DSCAML1: variants seen among roughly 807,000 people sequenced by gnomAD.
DSCAML1 encodes DS cell adhesion molecule like 1.
In DSCAML1, 38 loss-of-function variants were observed where a neutral mutation model predicts 200.5. That is an observed-to-expected ratio of 0.19 (90% CI 0.15 to 0.25). The LOEUF is 0.25. Among genes scored for constraint, DSCAML1 ranks in the 10% least tolerant of loss-of-function variants. The probability of loss-of-function intolerance (pLI) is 1.00; values close to 1 mark genes in which losing one functional copy is unlikely to be tolerated. For synonymous variants in DSCAML1, 1,215 were observed against 1,165.0 expected, an observed-to-expected ratio of 1.04 and a Z score of -0.87; for missense variants, 2,223 against 2,858.8, an observed-to-expected ratio of 0.78 and a Z score of 5.07.
chr11:117,724,289 T>G (rs1202131267), intron 3 of DSCAML1, among the ~76,000 whole-genome samples: 1 of 152,136 alleles, frequency 6.6e-6, no homozygotes, highest in African/African-American at 2.4e-5. Flanking sequence ...CTGGTCTGAT[T>G]GGGTCCTCGT....
intron 3 of DSCAML1, among the ~76,000 whole-genome samples, chr11:117,727,639 A>G (rs2054154978): frequency 6.7e-6 from 1 of 148,908 alleles, no homozygotes; most frequent in Non-Finnish European, 1.5e-5. Context: ...GAGTCCCCAC[A>G]TGAATGTCTT....
intron 8 of DSCAML1, among the ~76,000 whole-genome samples, chr11:117,512,867 T>TCACA (rs1436693118): frequency 2.7e-5 from 4 of 149,316 alleles, no homozygotes; most frequent in Admixed American, 6.6e-5. Flanking sequence ...CTCAGCACCA[T>TCACA]CACAACAGGC....
intron 3 of DSCAML1, among the ~76,000 whole-genome samples, chr11:117,708,667 G>C (rs945750759): frequency 6.6e-6 from 1 of 152,134 alleles, no homozygotes; most frequent in Non-Finnish European, 1.5e-5. Context: ...GTTCATTTTC[G>C]GGACTCAAAC....
chr11:117,497,568 C>T (rs1038343929), intron 11 of DSCAML1, among the ~76,000 whole-genome samples: 1 of 152,102 alleles, frequency 6.6e-6, no homozygotes, highest in Admixed American at 6.5e-5. Context: ...AAGAGACAGC[C>T]GGATGATCAT....
chr11:117,504,559 C>T lies in DSCAML1; in HGVS notation c.2182+365G>A, dbSNP rs2049455835. Among the ~76,000 whole-genome samples the T allele has an allele frequency of 6.6e-6, 1 of 152,130 alleles. No individual in the cohort carries two copies. Among genetic ancestry groups the T allele is most frequent in the Non-Finnish European group, 1.5e-5 (1 of 68,012 alleles). On this transcript the variant is annotated intron_variant, in intron 10 of 32. Coordinates refer to ENST00000651296, the MANE Select transcript of DSCAML1 (RefSeq NM_020693.4). The surrounding 1 kb of genome is among the most constrained non-coding windows in gnomAD (Gnocchi z 5.0). ...AATTGGGCTCCAAGAAGGACCCTGA[C>T]CCCAGAAAAGGTTGACTGGTGAGAA...
chr11:117,639,397 A>G, intron 3 of DSCAML1, among the ~76,000 whole-genome samples: 1 of 118,424 alleles, frequency 8.4e-6, no homozygotes. Context: ...GATGGATGGG[A>G]GGCTGGATGG....
Position 117,687,426 on chromosome 11 carries a change from A to ATTTTTTTTTTTTTTTTTT in DSCAML1, c.511+89347_511+89364dup, listed in dbSNP as rs71037492. ...CAGGTGTGCTCCACCATGCCTGGCT[A>ATTTTTTTTTTTTTTTTTT]TTTTTTTTTTTTTTTTTTTTTTAGA... On this transcript the variant is annotated intron_variant, in intron 3 of 32. Coordinates refer to ENST00000651296, the MANE Select transcript of DSCAML1 (RefSeq NM_020693.4). Among the ~76,000 whole-genome samples the ATTTTTTTTTTTTTTTTTT allele has an allele frequency of 4.2e-4, 41 of 97,644 alleles. 4 individuals carry two copies. The highest frequency in any genetic ancestry group is 1.6e-3 in the African/African-American group (39 of 24,306). 64.1% of individuals were successfully genotyped at this position (97,644 alleles called of 152,430 possible).
chr11:117,564,078 C>T (rs1231153503), intron 3 of DSCAML1, among the ~76,000 whole-genome samples: 2 of 152,208 alleles, frequency 1.3e-5, no homozygotes, highest in Non-Finnish European at 2.9e-5. Flanking sequence ...TTCCCTGCCA[C>T]ATAGTTTTCC....
At chr11:117,529,623 A>C (rs1847156691) in intron 4 of DSCAML1, among the ~76,000 whole-genome samples, 1 of 151,574 alleles carries the variant, frequency 6.6e-6, no homozygotes, top group African/African-American at 2.4e-5. Flanking sequence ...AGAGACCACA[A>C]ATGTGCTTCC....
intron 3 of DSCAML1, among the ~76,000 whole-genome samples, chr11:117,772,312 C>T (rs2055053928): frequency 6.6e-6 from 1 of 152,168 alleles, no homozygotes; most frequent in African/African-American, 2.4e-5. Flanking sequence ...TGATAGGAAT[C>T]CTTATATGAC....
rs574265067 is a variant in DSCAML1 at position 117,705,040 on chromosome 11, G to T, written c.511+71751C>A. 3.9e-5 allele frequency among the ~76,000 whole-genome samples: 6 copies of T among 152,320 alleles called. No individual in the cohort carries two copies. The East Asian group carries it at 7.7e-4, about 20-fold the overall frequency. ...AAAGACTCTGCGTACCCACGCCGAG[G>T]GGGGGACGTCTGCGGGCTGGAGAGG... is the stretch of plus-strand genomic sequence containing the variant. On this transcript the variant is annotated intron_variant, in intron 3 of 32. Transcript: ENST00000651296.
At chr11:117,450,011 C>A (rs10892108) in intron 20 of DSCAML1, among the ~76,000 whole-genome samples, 1 of 151,986 alleles carries the variant, frequency 6.6e-6, no homozygotes, top group African/African-American at 2.4e-5. Flanking sequence ...GGGCAGATAT[C>A]GCAGCCTCTC....
At chr11:117,495,025 G>A (rs910307836) in intron 11 of DSCAML1, among the ~76,000 whole-genome samples, 3 of 152,202 alleles carry the variant, frequency 2.0e-5, no homozygotes, top group Non-Finnish European at 1.5e-5. Context: ...ATGGTACTTT[G>A]TGACAGCAGC....
At chr11:117,541,919 C>T (rs548362234) in intron 3 of DSCAML1, among the ~76,000 whole-genome samples, 12 of 152,184 alleles carry the variant, frequency 7.9e-5, no homozygotes, top group Non-Finnish European at 1.5e-4. Context: ...ACCCCCAGCC[C>T]GAAGAGGGAC....
intron 3 of DSCAML1, among the ~76,000 whole-genome samples, chr11:117,681,133 C>A (rs936345508): frequency 1.3e-5 from 2 of 152,186 alleles, no homozygotes; most frequent in African/African-American, 2.4e-5. Context: ...GCAAACCCAC[C>A]CTTCTCTCTC....
chr11:117,660,184 C>T (rs906102503), intron 3 of DSCAML1, among the ~76,000 whole-genome samples: 8 of 152,196 alleles, frequency 5.3e-5, no homozygotes, highest in African/African-American at 1.9e-4. Context: ...CAGTCCCCTC[C>T]TAGGGCCTGA....
At chr11:117,565,171 T>G (rs1472226157) in intron 3 of DSCAML1, among the ~76,000 whole-genome samples, 1 of 152,226 alleles carries the variant, frequency 6.6e-6, no homozygotes, top group Non-Finnish European at 1.5e-5. Context: ...TCCTTAGTAT[T>G]TCTTCTGTTT....
At chr11:117,777,539 A>G (rs1565278739) in intron 2 of DSCAML1, among the ~76,000 whole-genome samples, 1 of 152,162 alleles carries the variant, frequency 6.6e-6, no homozygotes, top group Non-Finnish European at 1.5e-5. Context: ...ACAAAGGGAG[A>G]GAATGTTTGG....
rs1325681100 is a variant in DSCAML1, at chr11:117,463,102, C to T, written c.3266-1506G>A. On this transcript the variant is annotated intron_variant, in intron 17 of 32. Coordinates refer to ENST00000651296, the MANE Select transcript of DSCAML1 (RefSeq NM_020693.4). This position sits in a 1 kb window ranked among gnomAD's most constrained non-coding sequence, Gnocchi z 4.0. The stretch of plus-strand genomic sequence containing the variant: ...TTCCCTGGACACACCTTCCTAAAGC[C>T]TCCTGCATCTGCGTCACTTGTTCGT... 6.6e-6 allele frequency among the ~76,000 whole-genome samples: 1 copy of T among 152,242 alleles called. No individual in the cohort carries two copies. The highest frequency in any genetic ancestry group is 2.4e-5 in the African/African-American group (1 of 41,458).
Sources: allele counts gnomAD v4.1 joint callset (sites outside exome capture counted in the v4.1 genomes callset), GRCh38; gene constraint gnomAD v4.1.1; non-coding constraint Gnocchi (gnomAD v3.1); transcripts MANE v1.5; gene names NCBI Gene and HGNC (gene_info 2026-07-23, HGNC 2026-07-21).